Variants in RAD51B observed in about 807,000 individuals in gnomAD.
The protein encoded by RAD51B is DNA repair protein RAD51 homolog 2.
A neutral mutation model predicts 42.2 loss-of-function variants in RAD51B; 38 were observed. That is an observed-to-expected ratio of 0.90 (90% confidence interval 0.70 to 1.18). The LOEUF is 1.18. RAD51B is among the 50% of genes most tolerant of loss of function. The pLI, the probability that RAD51B is intolerant of heterozygous loss-of-function variation, is 0.00. For missense variants in RAD51B, 373 were observed against 400.7 expected, an observed-to-expected ratio of 0.93 and a Z score of 0.59; for synonymous variants, 154 against 145.2, an observed-to-expected ratio of 1.06 and a Z score of -0.43.
At chr14:67,985,791 T>C (rs1050217026) in intron 7 of RAD51B, among the ~76,000 whole-genome samples, 2 of 151,514 alleles carry the variant, frequency 1.3e-5, no homozygotes, top group Non-Finnish European at 2.9e-5. Context: ...GTCCCTGTAG[T>C]CCCAGCTACT....
downstream of RAD51B, among the ~76,000 whole-genome samples, chr14:68,614,265 C>T (rs17106023): frequency 6.6e-6 from 1 of 152,052 alleles, no homozygotes; most frequent in Non-Finnish European, 1.5e-5. Flanking sequence ...CTGAGTTGAA[C>T]CATATTGCTG....
intron 7 of RAD51B, among the ~76,000 whole-genome samples, chr14:68,087,917 A>T (rs184100265): frequency 0.017 from 1,389 of 80,360 alleles, 95 homozygotes; most frequent in African/African-American, 0.071. Context: ...ATTATATAAT[A>T]TATTATATAT....
intron 4 of RAD51B, among the ~76,000 whole-genome samples, chr14:67,836,371 G>A (rs1314681968): frequency 6.6e-6 from 1 of 152,104 alleles, no homozygotes; most frequent in Non-Finnish European, 1.5e-5. Context: ...AGATGGAAGT[G>A]GTGATATCTT....
intron 4 of RAD51B, among the ~76,000 whole-genome samples, chr14:67,836,294 C>T (rs1020173171): frequency 6.6e-6 from 1 of 152,120 alleles, no homozygotes; most frequent in Non-Finnish European, 1.5e-5. Flanking sequence ...GTAGGCTCTC[C>T]ACAGGCTTCT....
At chr14:67,944,201 A>AT (rs370785745) in intron 7 of RAD51B, among the ~76,000 whole-genome samples, 3,846 of 130,074 alleles carry the variant, frequency 0.03, 92 homozygotes, top group East Asian at 0.096. Flanking sequence ...AGAAGTAAAG[A>AT]TTTTTTTTTT....
intron 10 of RAD51B, among the ~76,000 whole-genome samples, chr14:68,618,729 C>T (rs1375397687): frequency 6.6e-6 from 1 of 152,200 alleles, no homozygotes; most frequent in Non-Finnish European, 1.5e-5. Flanking sequence ...CCTCAGTTTG[C>T]CCTTAGCCTA....
intron 7 of RAD51B, among the ~76,000 whole-genome samples, chr14:68,023,996 T>G (rs1312125736): frequency 6.6e-6 from 1 of 152,228 alleles, no homozygotes; most frequent in Non-Finnish European, 1.5e-5. Flanking sequence ...CACTTAAATA[T>G]TTAATCTACC....
chr14:68,483,469 A>G (rs185660503), intron 10 of RAD51B, among the ~76,000 whole-genome samples: 1 of 152,270 alleles, frequency 6.6e-6, no homozygotes, highest in East Asian at 1.9e-4. Context: ...TTCAGACACA[A>G]GTAACTCTGG....
intron 10 of RAD51B, among the ~76,000 whole-genome samples, chr14:68,607,770 T>C (rs1431481387): frequency 6.6e-6 from 1 of 152,094 alleles, no homozygotes; most frequent in Admixed American, 6.5e-5. Context: ...AGGCGCACTC[T>C]AAGGAGGGCC....
chr14:68,508,848 A>T (rs1885522067), intron 10 of RAD51B, among the ~76,000 whole-genome samples: 1 of 152,166 alleles, frequency 6.6e-6, no homozygotes, highest in Admixed American at 6.5e-5. Flanking sequence ...TAGCATTTCC[A>T]CTGGAGGCCC....
intron 7 of RAD51B, among the ~76,000 whole-genome samples, chr14:68,070,298 C>T (rs933342176): frequency 6.6e-6 from 1 of 152,040 alleles, no homozygotes; most frequent in African/African-American, 2.4e-5. Context: ...TCTTACTTGT[C>T]GATTTTTGTT....
At chr14:68,162,114 G>T (rs2078652550) in intron 7 of RAD51B, among the ~76,000 whole-genome samples, 1 of 152,140 alleles carries the variant, frequency 6.6e-6, no homozygotes, top group Non-Finnish European at 1.5e-5. Flanking sequence ...CATCAGTTTT[G>T]AGAGAAATAA....
intron 5 of RAD51B, 58 bp from the exon 6 acceptor site, chr14:67,885,811 C>A: frequency 6.5e-7 from 1 of 1,530,352 alleles, no homozygotes; most frequent in Non-Finnish European, 8.8e-7. Flanking sequence ...AGAGATTCAG[C>A]AATGTGGCTT....
At chr14:67,949,886 A>G (rs2074410783) in intron 7 of RAD51B, among the ~76,000 whole-genome samples, 1 of 152,154 alleles carries the variant, frequency 6.6e-6, no homozygotes, top group African/African-American at 2.4e-5. Flanking sequence ...TTGTCAATGA[A>G]TTCTTTTCAA....
intron 11 of RAD51B, among the ~76,000 whole-genome samples, chr14:68,682,088 CTTATGTCATCTCACTTTTTTT>C (rs1288147188): frequency 6.6e-6 from 1 of 152,170 alleles, no homozygotes; most frequent in African/African-American, 2.4e-5. Flanking sequence ...GTGCCTTAAA[CTTATGTCATCTCACTTTTTTT>C]TTGTCAGCAG....
Position 67,845,101 on chromosome 14 carries a change from C to T in RAD51B, c.315+9905C>T, listed in dbSNP as rs1479329343. On this transcript the variant is annotated intron_variant, in intron 4 of 10. Coordinates refer to ENST00000471583, the MANE Select transcript of RAD51B (RefSeq NM_133510.4). ...ATAATTGGGGCATTTAGCTTGTTTACATTCAACGTTAATATTGACATGTGG... is the reference window on the plus strand; with the variant it reads ...ATAATTGGGGCATTTAGCTTGTTTATATTCAACGTTAATATTGACATGTGG... Among the ~76,000 whole-genome samples, 5 of 151,972 alleles carry T rather than the reference C, an allele frequency of 3.3e-5. No individual in the cohort carries two copies. The South Asian group carries it at 6.2e-4, about 19-fold the overall frequency.
chr14:68,126,226 C>T (rs560565394), intron 7 of RAD51B, among the ~76,000 whole-genome samples: 5 of 152,150 alleles, frequency 3.3e-5, no homozygotes, highest in East Asian at 1.9e-4. Context: ...TTTAAATATT[C>T]GTATTCATAA....
At chr14:68,626,914 C>T (rs180703919) in intron 10 of RAD51B, among the ~76,000 whole-genome samples, 11 of 152,222 alleles carry the variant, frequency 7.2e-5, no homozygotes, top group African/African-American at 1.7e-4. Context: ...AGATAACATG[C>T]CTTTGTTGAA....
At chr14:68,571,714 A>C (rs1364747730) in intron 10 of RAD51B, among the ~76,000 whole-genome samples, 1 of 152,128 alleles carries the variant, frequency 6.6e-6, no homozygotes, top group East Asian at 1.9e-4. Context: ...GACACCTTTG[A>C]GGGGCCGTTA....
Sources: gnomAD v4.1 joint callset for allele counts (sites outside exome capture counted in the v4.1 genomes callset) on GRCh38, gnomAD v4.1.1 for gene constraint, MANE v1.5 for transcripts, NCBI Gene and HGNC (gene_info 2026-07-23, HGNC 2026-07-21) for gene names.